Variants in LMAN2 observed in about 807,000 individuals in gnomAD.
LMAN2 encodes the protein vesicular integral-membrane protein VIP36.
In LMAN2, 22 loss-of-function variants were observed where a neutral mutation model predicts 39.3. That is an observed-to-expected ratio of 0.56 (90% CI 0.40 to 0.80). The LOEUF is 0.80. Among genes scored for constraint, LMAN2 ranks in the 30% least tolerant of loss-of-function variants. LMAN2 has a pLI of 0.00. For synonymous variants in LMAN2, 207 were observed against 207.8 expected, an observed-to-expected ratio of 1.00 and a Z score of 0.03; for missense variants, 494 against 505.4, an observed-to-expected ratio of 0.98 and a Z score of 0.22.
At chr5:177,343,723 T>C (rs1000750560) in intron 2 of LMAN2, among the ~76,000 whole-genome samples, 1 of 152,164 alleles carries the variant, frequency 6.6e-6, no homozygotes, top group Non-Finnish European at 1.5e-5. Flanking sequence ...ATCATTTATG[T>C]GAGATGCCTA....
chr5:177,335,577 A>C (rs1364014161), intron 6 of LMAN2, among the ~76,000 whole-genome samples: 1 of 152,144 alleles, frequency 6.6e-6, no homozygotes, highest in Non-Finnish European at 1.5e-5. Flanking sequence ...GGGCTGAAAC[A>C]GTGTGATGAA....
At position 177,337,302 on chromosome 5, in the gene LMAN2, G is replaced by C; in HGVS notation, c.676-52C>G. On this transcript the variant is annotated intron_variant, in intron 5 of 7. Coordinates refer to ENST00000303127, the MANE Select transcript of LMAN2 (RefSeq NM_006816.3). This position sits in a 1 kb window ranked among gnomAD's most constrained non-coding sequence, Gnocchi z 8.2. The stretch of plus-strand genomic sequence containing the variant: ...TCGCAGGACAGCAGCCTGCCCTCCT[G>C]AGCCTCTGTGGGACCAGCACAGGGC... 2 of 1,611,964 alleles carry C rather than the reference G, an allele frequency of 1.2e-6. No homozygotes were observed. The highest frequency in any genetic ancestry group is 2.2e-5 in the South Asian group (2 of 91,052).
chr5:177,340,556 T>C (rs545378800), intron 2 of LMAN2, among the ~76,000 whole-genome samples: 72 of 152,180 alleles, frequency 4.7e-4, no homozygotes, highest in South Asian at 1.5e-3. Context: ...GGCAGGTGGA[T>C]CACTTGAGGT....
intron 2 of LMAN2, among the ~76,000 whole-genome samples, chr5:177,339,269 C>T (rs1290799344): frequency 6.6e-6 from 1 of 152,264 alleles, no homozygotes; most frequent in Non-Finnish European, 1.5e-5. Context: ...TGCTAACCAA[C>T]CTTCCCAAGT....
In LMAN2 at chr5:177,337,447, G is replaced by T; in HGVS notation, c.591C>A (p.Thr197=). The T allele has an allele frequency of 6.2e-7, 1 of 1,613,826 alleles. No homozygotes were observed. Among genetic ancestry groups the T allele is most frequent in the Non-Finnish European group, 8.5e-7 (1 of 1,180,002 alleles). ...SYDHSKDGRW[T]ELAGCTADFR... ...AGTCAGCCGTGCAGCCCGCCAGCTC[G>T]GTCCAGCGCCCATCCTTGCTGTGGT... The change falls in exon 5 of 8, where the codon ACC becomes ACA. Residue 197 remains threonine, a synonymous_variant. Coordinates refer to ENST00000303127, the MANE Select transcript of LMAN2 (RefSeq NM_006816.3). This position sits in a 1 kb window ranked among gnomAD's most constrained non-coding sequence, Gnocchi z 8.2.
intron 6 of LMAN2, among the ~76,000 whole-genome samples, chr5:177,336,106 GA>G (rs927397174): frequency 2.6e-4 from 40 of 152,168 alleles, no homozygotes; most frequent in African/African-American, 8.9e-4. Flanking sequence ...ATATTATGAA[GA>G]AAAATAAAGC....
chr5:177,338,505 C>T lies in LMAN2; in HGVS notation c.416G>A (p.Arg139Gln), dbSNP rs369354057. 30 of 1,614,140 alleles carry T rather than the reference C, an allele frequency of 1.9e-5. No individual in the cohort carries two copies. Among genetic ancestry groups the T allele is most frequent in the South Asian group, 1.3e-4 (12 of 91,088 alleles). The change falls in exon 3 of 8, where the codon CGG becomes CAG. Residue 139 changes from arginine to glutamine, a missense_variant. By Grantham distance (43) the Arg-to-Gln change is conservative (BLOSUM62 1). Coordinates refer to ENST00000303127, the MANE Select transcript of LMAN2 (RefSeq NM_006816.3). Reference sequence around the variant, plus strand: ...CAGCCCACCTGGCACGAGGCGGTCCCGGGTGTACCACAAGGCGATGCCGTC... The same window carrying T: ...CAGCCCACCTGGCACGAGGCGGTCCTGGGTGTACCACAAGGCGATGCCGTC... ...HGDGIALWYT[R>Q]DRLVPGPVFG...
chr5:177,351,378 A>G, intron 1 of LMAN2, 74 bp downstream of exon 1: 1 of 1,605,256 alleles, frequency 6.2e-7, no homozygotes, highest in Non-Finnish European at 8.5e-7. Context: ...TGCTCAGGAG[A>G]AAGGGCACGC....
chr5:177,335,408 A>C (rs1002800691), intron 6 of LMAN2, among the ~76,000 whole-genome samples: 2 of 152,212 alleles, frequency 1.3e-5, no homozygotes, highest in Non-Finnish European at 2.9e-5. Context: ...CATCACCCGT[A>C]AGGTGCCTGG....
Position 177,332,793 on chromosome 5 carries a change from C to T in LMAN2, c.911-547G>A, listed in dbSNP as rs1312369094. Reference sequence around the variant, plus strand: ...GGTCCTGCCCATCCTGGGATGGGGCCCACTGGTACGCTCCCTTGTACAGGC... The same window carrying T: ...GGTCCTGCCCATCCTGGGATGGGGCTCACTGGTACGCTCCCTTGTACAGGC... On this transcript the variant is annotated intron_variant, in intron 7 of 7. Coordinates refer to ENST00000303127, the MANE Select transcript of LMAN2 (RefSeq NM_006816.3). This position sits in a 1 kb window ranked among gnomAD's most constrained non-coding sequence, Gnocchi z 6.3. 6.6e-6 allele frequency among the ~76,000 whole-genome samples: 1 copy of T among 152,144 alleles called. No homozygotes were observed. Among genetic ancestry groups the T allele is most frequent in the Non-Finnish European group, 1.5e-5 (1 of 68,006 alleles).
chr5:177,333,108 G>GCACA (rs1325142805), intron 7 of LMAN2, among the ~76,000 whole-genome samples: 2 of 152,212 alleles, frequency 1.3e-5, no homozygotes, highest in African/African-American at 4.8e-5. Flanking sequence ...CCTCTGCTCT[G>GCACA]CACACCGACA....
chr5:177,344,165 C>A (rs1215925143), intron 2 of LMAN2, among the ~76,000 whole-genome samples: 1 of 151,040 alleles, frequency 6.6e-6, no homozygotes, highest in African/African-American at 2.4e-5. Context: ...CTGCAATGAG[C>A]TAGGATTGCA....
At position 177,334,309 on chromosome 5, in the gene LMAN2, G is replaced by A. The variant is rs770381547; in HGVS notation, c.885C>T (p.Ser295=). 2.0e-5 allele frequency: 32 copies of A among 1,612,494 alleles called. No individual in the cohort carries two copies. Among genetic ancestry groups the A allele is most frequent in the East Asian group, 1.8e-4 (8 of 44,896 alleles). Residue 295 remains serine (S), a synonymous_variant, in exon 7 of 8, where the codon AGC becomes AGT. Transcript: ENST00000303127. ...ESIDWTKIEP[S]VNFLKSPKDN... is the part of the protein sequence containing the mutation. The stretch of plus-strand genomic sequence containing the variant: ...CTTTGGGCGACTTGAGGAAGTTGAC[G>A]CTGGGCTCGATCTTGGTCCAGTCGA...
Position 177,331,935 on chromosome 5 carries a change from G to T in LMAN2, c.*151C>A. The T allele has an allele frequency of 1.0e-6, 1 of 967,104 alleles. No individual in the cohort carries two copies. Among genetic ancestry groups the T allele is most frequent in the Non-Finnish European group, 1.5e-6 (1 of 680,764 alleles). The allele number at this position is 967,104 out of a possible 1,614,324, so 59.9% of individuals were successfully genotyped here. The stretch of plus-strand genomic sequence containing the variant: ...CTCGGCTCTGCCACCTGTCCCTGCT[G>T]GGCAAGAAGCAAAATGTATGAAAAT... On this transcript the variant is annotated 3_prime_UTR_variant, in exon 8 of 8. Coordinates refer to ENST00000303127, the MANE Select transcript of LMAN2 (RefSeq NM_006816.3).
intron 2 of LMAN2, among the ~76,000 whole-genome samples, chr5:177,350,869 T>C (rs1416894165): frequency 1.3e-5 from 2 of 152,218 alleles, no homozygotes; most frequent in Admixed American, 6.5e-5. Flanking sequence ...TTTCTGGCTA[T>C]GTAACTTTGG....
Position 177,333,114 on chromosome 5 carries a change from C to G in LMAN2, c.911-868G>C, listed in dbSNP as rs59092389. Among the ~76,000 whole-genome samples, 499 of 152,318 alleles carry G rather than the reference C, an allele frequency of 3.3e-3. 3 individuals carry two copies. Among genetic ancestry groups the G allele is most frequent in the African/African-American group, 0.011 (463 of 41,568 alleles). ...TCGCCCCAGCCTCTGCTCTGCACAC[C>G]GACAGCAGCGGCCACTGACCGAACG... On this transcript the variant is annotated intron_variant, in intron 7 of 7. Coordinates refer to ENST00000303127, the MANE Select transcript of LMAN2 (RefSeq NM_006816.3).
intron 6 of LMAN2, among the ~76,000 whole-genome samples, chr5:177,334,920 G>A (rs1263973724): frequency 2.6e-5 from 4 of 152,172 alleles, no homozygotes; most frequent in Non-Finnish European, 5.9e-5. Flanking sequence ...GGAACAACTC[G>A]GCAACCAGCT....
chr5:177,337,935 G>GC lies in LMAN2; in HGVS notation c.434-151dup. 9 of 679,962 alleles carry GC rather than the reference G, an allele frequency of 1.3e-5. No homozygotes were observed. The highest frequency in any genetic ancestry group is 2.0e-5 in the Non-Finnish European group (8 of 395,194). The allele number at this position is 679,962 out of a possible 1,614,324, so 42.1% of individuals were successfully genotyped here. ...AGAGAAGGGATCGTGAAAGGAGAAA[G>GC]CTGAGGCTTTCTCCTCAGAAGTGGG... On this transcript the variant is annotated intron_variant, in intron 3 of 7. Coordinates refer to ENST00000303127, the MANE Select transcript of LMAN2 (RefSeq NM_006816.3). The surrounding 1 kb of genome is among the most constrained non-coding windows in gnomAD (Gnocchi z 8.2).
chr5:177,343,315 A>T (rs1384082277), intron 2 of LMAN2, among the ~76,000 whole-genome samples: 1 of 152,208 alleles, frequency 6.6e-6, no homozygotes, highest in Non-Finnish European at 1.5e-5. Flanking sequence ...ATCCTTGTGC[A>T]TTGCTGGTGG....
Sources: allele counts gnomAD v4.1 joint callset (sites outside exome capture counted in the v4.1 genomes callset), GRCh38; gene constraint gnomAD v4.1.1; non-coding constraint Gnocchi (gnomAD v3.1); transcripts MANE v1.5; gene names NCBI Gene and HGNC (gene_info 2026-07-23, HGNC 2026-07-21).